The following ATP9B variants were observed in gnomAD, a reference collection of about 807,000 sequenced individuals.
ATP9B encodes ATPase phospholipid transporting 9B, also known as probable phospholipid-transporting ATPase IIB.
A neutral mutation model predicts 146.1 loss-of-function variants in ATP9B; 110 were observed. The ratio of observed to expected loss-of-function variants is 0.75; its 90% CI spans 0.65 to 0.88. The LOEUF (loss-of-function observed/expected upper bound fraction) is 0.88, where lower values mean the gene tolerates loss of function less well. Ranked by LOEUF, ATP9B falls within the 40% of genes least tolerant of loss-of-function variation. The pLI is 0.00. For missense variants in ATP9B, 1,499 were observed against 1,496.4 expected (o/e 1.00, Z -0.03); for synonymous variants, 604 against 569.7 (o/e 1.06, Z -0.86).
At chr18:79,337,588 C>A in intron 19 of ATP9B, 139 bp downstream of exon 19, 1 of 1,181,172 alleles carries the variant, frequency 8.5e-7, no homozygotes. Flanking sequence ...CCCACCAGCT[C>A]CCCTCCTTCC....
chr18:79,359,654 A>G (rs2096975772), intron 26 of ATP9B, 192 bp downstream of exon 26: 1 of 569,332 alleles, frequency 1.8e-6, no homozygotes, highest in Middle Eastern at 2.7e-4. Context: ...TCAAAAGGGG[A>G]AAAACATCTC....
At chr18:79,372,948 T>C (rs1309719408) in intron 27 of ATP9B, 66 bp downstream of exon 27, 10 of 1,131,340 alleles carry the variant, frequency 8.8e-6, no homozygotes, top group Admixed American at 1.8e-5. Context: ...GTTAGCAATA[T>C]TGTTTTTACT....
At chr18:79,231,872 G>T (rs2095796905) in intron 11 of ATP9B, among the ~76,000 whole-genome samples, 1 of 150,704 alleles carries the variant, frequency 6.6e-6, no homozygotes, top group South Asian at 2.1e-4. Context: ...AAAACAACTT[G>T]GATGGAATTG....
chr18:79,113,484 G>A (rs2094009487), intron 4 of ATP9B, 130 bp downstream of exon 4: 3 of 602,738 alleles, frequency 5.0e-6, no homozygotes, highest in African/African-American at 1.9e-5. Flanking sequence ...CTGAACTTCT[G>A]TTAAAAGATT....
At chr18:79,324,110 G>T (rs1378171244) in intron 15 of ATP9B, among the ~76,000 whole-genome samples, 2 of 152,072 alleles carry the variant, frequency 1.3e-5, no homozygotes, top group East Asian at 3.8e-4. Flanking sequence ...AGAAATGTCT[G>T]TTCAGATCTT....
intron 5 of ATP9B, 110 bp from the exon 6 acceptor site, chr18:79,143,692 A>G (rs2094541872): frequency 1.5e-6 from 1 of 667,404 alleles, no homozygotes; most frequent in East Asian, 2.9e-5. Flanking sequence ...GGAAATTTCT[A>G]AAGTTTTTTT....
intron 7 of ATP9B, among the ~76,000 whole-genome samples, chr18:79,164,343 G>A (rs567264541): frequency 7.9e-5 from 12 of 152,160 alleles, no homozygotes; most frequent in South Asian, 2.1e-4. Context: ...TTAGACAGGT[G>A]GGTTCATGTC....
At chr18:79,191,435 C>T (rs1242996152) in intron 8 of ATP9B, among the ~76,000 whole-genome samples, 6 of 152,176 alleles carry the variant, frequency 3.9e-5, no homozygotes, top group South Asian at 2.1e-4. Context: ...TCTCTGTCCA[C>T]TCATTCTGAA....
At chr18:79,207,073 C>T in intron 10 of ATP9B, 61 bp downstream of exon 10, 2 of 1,493,712 alleles carry the variant, frequency 1.3e-6, no homozygotes, top group Non-Finnish European at 1.9e-6. Flanking sequence ...TTTGTTTTGT[C>T]CAGGGACTCC....
At chr18:79,324,190 T>C (rs2096731700) in intron 15 of ATP9B, among the ~76,000 whole-genome samples, 1 of 152,194 alleles carries the variant, frequency 6.6e-6, no homozygotes, top group African/African-American at 2.4e-5. Context: ...AATGATCTGG[T>C]AGATTCTGCT....
At chr18:79,326,936 T>C (rs899484406) in intron 15 of ATP9B, among the ~76,000 whole-genome samples, 20 of 152,164 alleles carry the variant, frequency 1.3e-4, no homozygotes, top group African/African-American at 4.6e-4. Flanking sequence ...TTGCTGCAGC[T>C]CTGAGTGGTG....
rs561913012 is a variant in ATP9B at position 79,287,286 on chromosome 18, C to A, written c.1411+10090C>A. ...GTTGGTAAGCTATTGATTATTGCCA[C>A]AATTTCAGAGCCTGTTATTGGTCTA... On this transcript the variant is annotated intron_variant, in intron 13 of 29. Coordinates refer to ENST00000426216, the MANE Select transcript of ATP9B (RefSeq NM_198531.5). Among the ~76,000 whole-genome samples the A allele has an allele frequency of 1.6e-4, 25 of 152,322 alleles. 1 individual carries two copies. The South Asian group carries it at 2.7e-3, about 16-fold the overall frequency.
chr18:79,093,023 G>A (rs1158206898), intron 1 of ATP9B, among the ~76,000 whole-genome samples: 1 of 152,050 alleles, frequency 6.6e-6, no homozygotes, highest in Non-Finnish European at 1.5e-5. Context: ...CAATAGATTT[G>A]ATTTACACCA....
rs368113594 is a variant in ATP9B, at chr18:79,344,297, G to C, written c.2415G>C (p.Leu805=). Residue 805 remains leucine (L), a synonymous_variant, in exon 21 of 30, where the codon CTG becomes CTC. Transcript: ENST00000426216. ...GTCGGGGAGAGGCACATTTGGAGCT[G>C]AATGCATTTCGAAGGAAGCATGATT... The part of the protein sequence containing the change: ...VTSRGEAHLE[L]NAFRRKHDCA... 14 of 1,614,108 alleles carry C rather than the reference G, an allele frequency of 8.7e-6. No individual in the cohort carries two copies. The highest frequency in any genetic ancestry group is 1.2e-5 in the Non-Finnish European group (14 of 1,180,046).
intron 24 of ATP9B, 24 bp downstream of exon 24, chr18:79,347,949 CCCATGGAGGGCAGGGT>C (rs1234960148): frequency 6.2e-7 from 1 of 1,607,300 alleles, no homozygotes; most frequent in Non-Finnish European, 8.5e-7. Context: ...TGTGCTGGCA[CCCATGGAGGGCAGGGT>C]CCAGGAAGGG....
At chr18:79,372,346 C>T (rs995440666) in intron 26 of ATP9B, 6 of 300,484 alleles carry the variant, frequency 2.0e-5, no homozygotes, top group Middle Eastern at 1.2e-3. Context: ...TGTTCTCCAG[C>T]GAGGGTTTAA....
intron 13 of ATP9B, among the ~76,000 whole-genome samples, chr18:79,285,685 C>T (rs1334535542): frequency 1.3e-5 from 2 of 152,158 alleles, no homozygotes; most frequent in African/African-American, 2.4e-5. Flanking sequence ...GACATGAAGT[C>T]CTTGCCCACG....
rs771804337 is a variant in ATP9B at position 79,373,985 on chromosome 18, C to T, written c.3158C>T (p.Thr1053Ile). The T allele has an allele frequency of 6.2e-7, 1 of 1,613,986 alleles. No individual in the cohort carries two copies. The highest frequency in any genetic ancestry group is 1.3e-5 in the African/African-American group (1 of 74,906). ...VAISFTALILTELLMVALTVR... is the reference protein window; with the variant it reads ...VAISFTALILIELLMVALTVR... ...ATCTCCTTCACCGCACTGATCCTGA[C>T]CGAGCTGCTGATGGTGGCGCTGACC... is the stretch of plus-strand genomic sequence containing the variant. The change falls in exon 28 of 30, where the codon ACC (threonine) becomes ATC (isoleucine). Residue 1053 changes from threonine (T) to isoleucine (I), a missense_variant. Physicochemically the swap from Thr to Ile is moderately conservative, Grantham distance 89. Transcript: ENST00000426216.
intron 13 of ATP9B, among the ~76,000 whole-genome samples, chr18:79,292,075 C>G (rs1041318051): frequency 6.6e-6 from 1 of 152,224 alleles, no homozygotes; most frequent in African/African-American, 2.4e-5. Context: ...TACCTCATTT[C>G]TGTTTATTGC....
Sources: gnomAD v4.1 joint callset for allele counts (sites outside exome capture counted in the v4.1 genomes callset) on GRCh38, gnomAD v4.1.1 for gene constraint, MANE v1.5 for transcripts, NCBI Gene and HGNC (gene_info 2026-07-23, HGNC 2026-07-21) for gene names.